Variants in GPAT4 observed in about 807,000 individuals in gnomAD.
The protein encoded by GPAT4 is 1-AGP acyltransferase 6.
In GPAT4, 17 loss-of-function variants were observed where a neutral mutation model predicts 58.0. That is an observed-to-expected ratio of 0.29 (90% CI 0.20 to 0.44). The LOEUF (loss-of-function observed/expected upper bound fraction) is 0.44, where lower values mean the gene tolerates loss of function less well. Among genes scored for constraint, GPAT4 ranks in the 20% least tolerant of loss-of-function variants. The pLI is 1.00. For synonymous variants in GPAT4, 204 were observed against 210.1 expected (o/e 0.97, Z 0.25); for missense variants, 377 against 574.5 (o/e 0.66, Z 3.51).
At chr8:41,613,160 G>T (rs1178044446) in intron 8 of GPAT4, among the ~76,000 whole-genome samples, 200 bp downstream of exon 8, 1 of 152,058 alleles carries the variant, frequency 6.6e-6, no homozygotes, top group Admixed American at 6.5e-5. Context: ...AGTTTGGGAG[G>T]CCGAGGTGGG....
chr8:41,587,820 A>G (rs1802695422), intron 1 of GPAT4, among the ~76,000 whole-genome samples: 1 of 152,224 alleles, frequency 6.6e-6, no homozygotes. Context: ...ACATACATTT[A>G]AAATTTTGAT....
chr8:41,601,389 A>G (rs1207728010), intron 2 of GPAT4, among the ~76,000 whole-genome samples: 1 of 152,188 alleles, frequency 6.6e-6, no homozygotes, highest in East Asian at 1.9e-4. Context: ...TAATTTTCAT[A>G]TATTTTAGTC....
At chr8:41,582,418 C>A (rs1052684091) in intron 1 of GPAT4, among the ~76,000 whole-genome samples, 1 of 150,586 alleles carries the variant, frequency 6.6e-6, no homozygotes, top group Non-Finnish European at 1.5e-5. Flanking sequence ...ATTTTCTTCA[C>A]CTTGGAGAAA....
At chr8:41,587,571 T>C (rs528526348) in intron 1 of GPAT4, among the ~76,000 whole-genome samples, 1 of 152,324 alleles carries the variant, frequency 6.6e-6, no homozygotes, top group South Asian at 2.1e-4. Flanking sequence ...GGCTGGACAG[T>C]TCCTCATTGT....
chr8:41,614,934 A>G (rs1803551805), intron 9 of GPAT4, 29 bp from the exon 10 acceptor site: 1 of 1,587,116 alleles, frequency 6.3e-7, no homozygotes, highest in South Asian at 1.1e-5. Flanking sequence ...GCCAACAGAA[A>G]TAGCATTTTA....
At chr8:41,613,357 G>A (rs1192911661) in intron 8 of GPAT4, among the ~76,000 whole-genome samples, 2 of 152,038 alleles carry the variant, frequency 1.3e-5, no homozygotes, top group East Asian at 1.9e-4. Flanking sequence ...TTGCATTCCA[G>A]CCTGGGCGAT....
chr8:41,611,930 T>C lies in GPAT4; in HGVS notation c.639T>C (p.Val213=). The change falls in exon 6 of 13, where the codon GTT becomes GTC. Residue 213 remains valine, a synonymous_variant. Coordinates refer to ENST00000396987, the MANE Select transcript of GPAT4 (RefSeq NM_178819.4). ...GRFKEFMSKH[V]HLMCYRICVR... is the part of the protein sequence containing the mutation. ...TTAAGGAGTTCATGAGTAAACATGT[T>C]CACTTAATGTGTTACCGGATCTGCG... 6.2e-7 allele frequency: 1 copy of C among 1,614,236 alleles called. No homozygotes were observed. Among genetic ancestry groups the C allele is most frequent in the East Asian group, 2.2e-5 (1 of 44,886 alleles).
chr8:41,609,987 T>A (rs760508617), intron 4 of GPAT4, 32 bp downstream of exon 4: 1 of 1,566,220 alleles, frequency 6.4e-7, no homozygotes, highest in Non-Finnish European at 8.7e-7. Flanking sequence ...TGGGGCTCGC[T>A]GCTGCCACCC....
intron 2 of GPAT4, among the ~76,000 whole-genome samples, chr8:41,604,551 G>T (rs565476184): frequency 6.6e-6 from 1 of 152,346 alleles, no homozygotes; most frequent in East Asian, 1.9e-4. Context: ...GTATTACTAG[G>T]AGTAGAATTC....
At chr8:41,617,648 C>T (rs1803633601) in intron 10 of GPAT4, among the ~76,000 whole-genome samples, 1 of 152,194 alleles carries the variant, frequency 6.6e-6, no homozygotes, top group African/African-American at 2.4e-5. Context: ...GAGTTCAACC[C>T]TAGCCCATCC....
intron 1 of GPAT4, among the ~76,000 whole-genome samples, chr8:41,592,779 A>G (rs547417437): frequency 6.6e-6 from 1 of 152,254 alleles, no homozygotes; most frequent in African/African-American, 2.4e-5. Context: ...CTTCTTCTTG[A>G]ACTAAGATAT....
intron 1 of GPAT4, among the ~76,000 whole-genome samples, chr8:41,580,460 A>G (rs956058896): frequency 5.9e-5 from 9 of 152,198 alleles, no homozygotes; most frequent in Non-Finnish European, 1.2e-4. Flanking sequence ...AAACCATAAT[A>G]TGCATTTCCT....
At chr8:41,595,907 C>G (rs1250665358) in intron 1 of GPAT4, among the ~76,000 whole-genome samples, 1 of 152,030 alleles carries the variant, frequency 6.6e-6, no homozygotes, top group African/African-American at 2.4e-5. Context: ...TTCTCTCAAC[C>G]ACTGTGGCGG....
intron 1 of GPAT4, among the ~76,000 whole-genome samples, chr8:41,595,598 C>T (rs373721471): frequency 3.3e-5 from 5 of 152,052 alleles, no homozygotes; most frequent in African/African-American, 4.8e-5. Context: ...TGTAGGGTCA[C>T]GGAGAAGACC....
At chr8:41,612,411 CTG>C in intron 7 of GPAT4, 138 bp downstream of exon 7, 1 of 804,598 alleles carries the variant, frequency 1.2e-6, no homozygotes, top group Non-Finnish European at 2.0e-6. Context: ...TGTGGGGGCT[CTG>C]TGGGACTGTG....
At chr8:41,615,191 G>C (rs1803559399) in intron 10 of GPAT4, 143 bp downstream of exon 10, 1 of 693,408 alleles carries the variant, frequency 1.4e-6, no homozygotes, top group Non-Finnish European at 2.4e-6. Flanking sequence ...GGTTGACGTG[G>C]GTCAAGTGCT....
At chr8:41,611,565 G>C (rs1803444988) in intron 5 of GPAT4, among the ~76,000 whole-genome samples, 1 of 152,236 alleles carries the variant, frequency 6.6e-6, no homozygotes, top group Non-Finnish European at 1.5e-5. Flanking sequence ...TCTTCTGCCT[G>C]GGCGGGTGAG....
At chr8:41,616,009 C>T (rs867311620) in intron 10 of GPAT4, among the ~76,000 whole-genome samples, 4 of 152,334 alleles carry the variant, frequency 2.6e-5, no homozygotes, top group South Asian at 4.1e-4. Context: ...CTCTGATTGA[C>T]AGGCTAGGAC....
chr8:41,605,523 T>C (rs1803234887), intron 2 of GPAT4, among the ~76,000 whole-genome samples: 1 of 152,050 alleles, frequency 6.6e-6, no homozygotes. Context: ...ACTTCAGGCA[T>C]TGAGAAATCA....
Sources: gnomAD v4.1 joint callset for allele counts (sites outside exome capture counted in the v4.1 genomes callset) on GRCh38, gnomAD v4.1.1 for gene constraint, MANE v1.5 for transcripts, NCBI Gene and HGNC (gene_info 2026-07-23, HGNC 2026-07-21) for gene names.